Variants in ALDH1L2 observed in about 807,000 individuals in gnomAD.
ALDH1L2 encodes mitochondrial 10-formyltetrahydrofolate dehydrogenase.
A neutral mutation model predicts 111.0 loss-of-function variants in ALDH1L2; 91 were observed. The ratio of observed to expected loss-of-function variants is 0.82; its 90% CI spans 0.69 to 0.98. The LOEUF is 0.98. ALDH1L2 is among the 50% of genes least tolerant of loss of function. ALDH1L2 has a pLI of 0.00. For missense variants in ALDH1L2, 995 were observed against 1,126.8 expected (o/e 0.88, Z 1.67); for synonymous variants, 374 against 392.6 (o/e 0.95, Z 0.56).
chr12:105,082,998 A>C (rs920432641), intron 1 of ALDH1L2, among the ~76,000 whole-genome samples: 6 of 152,224 alleles, frequency 3.9e-5, no homozygotes, highest in Middle Eastern at 3.2e-3. Context: ...CCCTGCGTAC[A>C]GTTAGACCCT....
At chr12:105,084,259 G>T (rs992461388) in intron 1 of ALDH1L2, 130 bp downstream of exon 1, 4 of 1,063,488 alleles carry the variant, frequency 3.8e-6, no homozygotes, top group South Asian at 1.9e-5. Flanking sequence ...TGTTTTAAAC[G>T]CTGTCTTGGT....
chr12:105,070,870 T>G, intron 2 of ALDH1L2, 66 bp from the exon 3 acceptor site: 1 of 1,261,234 alleles, frequency 7.9e-7, no homozygotes, highest in Non-Finnish European at 1.1e-6. Flanking sequence ...TATGAATTCA[T>G]ATGTTGTAAT....
At chr12:105,084,005 T>C (rs10746010) in intron 1 of ALDH1L2, among the ~76,000 whole-genome samples, 131,945 of 152,170 alleles carry the variant, frequency 0.87, 57,444 homozygotes, top group East Asian at 1. Flanking sequence ...CAGTCTCGGT[T>C]CCATATGGCT....
chr12:105,048,345 A>C (rs746351048), intron 13 of ALDH1L2: 1 of 152,234 alleles, frequency 6.6e-6, no homozygotes, highest in Non-Finnish European at 1.5e-5. Context: ...CTGACTGTAC[A>C]TTAACATTGG....
intron 18 of ALDH1L2, among the ~76,000 whole-genome samples, chr12:105,036,549 TATATATATATATATATAA>T (rs1875155467): frequency 2.6e-5 from 1 of 39,168 alleles, no homozygotes; most frequent in African/African-American, 2.1e-4. Flanking sequence ...TATATATATA[TATATATATATATATATAA>T]AATGGATGTG....
At position 105,057,511 on chromosome 12, in the gene ALDH1L2, G is replaced by T. The variant is rs141936112; in HGVS notation, c.1287+562C>A. 1.4e-4 allele frequency among the ~76,000 whole-genome samples: 21 copies of T among 152,220 alleles called. No homozygotes were observed. The South Asian group carries it at 4.1e-3, about 30-fold the overall frequency. On this transcript the variant is annotated intron_variant, in intron 10 of 22. Coordinates refer to ENST00000258494, the MANE Select transcript of ALDH1L2 (RefSeq NM_001034173.4). Reference sequence around the variant, plus strand: ...GCCAAAAGGTAGAAACAACCCAAATGTACATCAACTGATGAATGGGTAAAC... The same window carrying T: ...GCCAAAAGGTAGAAACAACCCAAATTTACATCAACTGATGAATGGGTAAAC...
At chr12:105,045,762 A>C (rs1875807019) in intron 15 of ALDH1L2, among the ~76,000 whole-genome samples, 1 of 151,906 alleles carries the variant, frequency 6.6e-6, no homozygotes, top group African/African-American at 2.4e-5. Flanking sequence ...GCTATGCCAA[A>C]TGAAACTGTA....
At chr12:105,038,278 AAAC>A (rs1875296000) in intron 17 of ALDH1L2, 76 bp from the exon 18 acceptor site, 8 of 253,960 alleles carry the variant, frequency 3.2e-5, no homozygotes, top group East Asian at 1.3e-4. Context: ...ACACACACAC[AAAC>A]ACACACACAC....
chr12:105,070,064 G>A (rs1877587511), intron 3 of ALDH1L2, among the ~76,000 whole-genome samples: 2 of 152,202 alleles, frequency 1.3e-5, no homozygotes, highest in Admixed American at 6.5e-5. Flanking sequence ...GGAACATTGT[G>A]TATTCAGACT....
At chr12:105,052,778 C>T (rs374830089) in intron 11 of ALDH1L2, 34 bp downstream of exon 11, 2 of 1,611,124 alleles carry the variant, frequency 1.2e-6, no homozygotes, top group African/African-American at 1.3e-5. Context: ...AATCCATGAC[C>T]AGTGATCACT....
chr12:105,066,178 G>T (rs1342131886), intron 5 of ALDH1L2, among the ~76,000 whole-genome samples: 1 of 152,186 alleles, frequency 6.6e-6, no homozygotes, highest in Non-Finnish European at 1.5e-5. Flanking sequence ...TGTAGCTAGT[G>T]ATATTTTGAC....
At chr12:105,072,181 T>A (rs1053928808) in intron 2 of ALDH1L2, among the ~76,000 whole-genome samples, 4 of 148,106 alleles carry the variant, frequency 2.7e-5, no homozygotes, top group Non-Finnish European at 4.5e-5. Context: ...TGATATCTAT[T>A]AATATCCTAT....
At position 105,061,616 on chromosome 12, in the gene ALDH1L2, C is replaced by G; in HGVS notation, c.1047+11G>C. 2 of 1,613,944 alleles carry G rather than the reference C, an allele frequency of 1.2e-6. No individual in the cohort carries two copies. Among genetic ancestry groups the G allele is most frequent in the Non-Finnish European group, 1.7e-6 (2 of 1,179,940 alleles). ...AAGGTAACAGTAAGATTTAAGTCAT[C>G]ATGTGTTCACCTTGATGGTCTCTGC... On this transcript the variant is annotated intron_variant, in intron 8 of 22. Coordinates refer to ENST00000258494, the MANE Select transcript of ALDH1L2 (RefSeq NM_001034173.4).
intron 11 of ALDH1L2, 112 bp from the exon 12 acceptor site, chr12:105,052,329 A>G: frequency 2.7e-6 from 3 of 1,103,914 alleles, no homozygotes; most frequent in South Asian, 4.1e-5. Context: ...AAAAAAAGTT[A>G]TGATAAGAAA....
intron 15 of ALDH1L2, among the ~76,000 whole-genome samples, chr12:105,041,994 A>C (rs562953781): frequency 2.0e-5 from 3 of 152,156 alleles, no homozygotes; most frequent in Non-Finnish European, 4.4e-5. Flanking sequence ...GTATTTTAGA[A>C]ACCAAGATAT....
chr12:105,073,912 C>G lies in ALDH1L2; in HGVS notation c.142G>C (p.Val48Leu). 6.2e-7 allele frequency: 1 copy of G among 1,614,188 alleles called. No homozygotes were observed. Among genetic ancestry groups the G allele is most frequent in the Non-Finnish European group, 8.5e-7 (1 of 1,180,034 alleles). The change falls in exon 2 of 23, where the codon GTA (valine) becomes CTA (leucine). Residue 48 changes from valine (V) to leucine (L), a missense_variant. Val to Leu is a conservative substitution (Grantham distance 32, BLOSUM62 1). Transcript: ENST00000258494. ...YSHLRKEGHR[V>L]VGVFTVPDKD... ...TCTGGAACTGTGAACACCCCTACTA[C>G]TCGGTGGCCCTCTTTGCGGAGGTGG...
intron 10 of ALDH1L2, among the ~76,000 whole-genome samples, chr12:105,054,966 C>G (rs10861329): frequency 6.6e-6 from 1 of 151,962 alleles, no homozygotes; most frequent in African/African-American, 2.4e-5. Context: ...CTGCCCACAG[C>G]CACTAAAAAA....
At position 105,031,872 on chromosome 12, in the gene ALDH1L2, G is replaced by A. The variant is rs534071497; in HGVS notation, c.2307C>T (p.Pro769=). Residue 769 remains proline (P), a synonymous_variant, in exon 20 of 23, where the codon CCC becomes CCT. Transcript: ENST00000258494. ...TTTCCAGATGAGCCTTATGATTTTGGGGCCCATGATCAGTGGATCTGTCAA... is the reference window on the plus strand; with the variant it reads ...TTTCCAGATGAGCCTTATGATTTTGAGGCCCATGATCAGTGGATCTGTCAA... ...DPLDRSTDHG[P]QNHKAHLEKL... is the part of the protein sequence containing the mutation. 2.3e-5 allele frequency: 37 copies of A among 1,614,002 alleles called. No homozygotes were observed. In the Middle Eastern group the frequency reaches 8.2e-4, roughly 36 times the overall value.
At chr12:105,062,833 G>A (rs533427210) in intron 7 of ALDH1L2, 55 bp downstream of exon 7, 36 of 1,573,052 alleles carry the variant, frequency 2.3e-5, no homozygotes, top group Non-Finnish European at 3.0e-5. Flanking sequence ...TAATAGCTTG[G>A]GTTATAGAAG....
Sources: allele counts gnomAD v4.1 joint callset (sites outside exome capture counted in the v4.1 genomes callset), GRCh38; gene constraint gnomAD v4.1.1; transcripts MANE v1.5; gene names NCBI Gene and HGNC (gene_info 2026-07-23, HGNC 2026-07-21).